SGMS1: variants seen among roughly 807,000 people sequenced by gnomAD.
SGMS1 encodes the protein phosphatidylcholine:ceramide cholinephosphotransferase 1.
A neutral mutation model predicts 46.2 loss-of-function variants in SGMS1; 13 were observed. The ratio of observed to expected loss-of-function variants is 0.28; its 90% confidence interval spans 0.18 to 0.45. The LOEUF is 0.45. Ranked by LOEUF, SGMS1 falls within the 20% of genes least tolerant of loss-of-function variation. The pLI, the probability that SGMS1 is intolerant of heterozygous loss-of-function variation, is 1.00. For missense variants in SGMS1, 324 were observed against 519.9 expected (o/e 0.62, Z 3.66); for synonymous variants, 203 against 187.8 (o/e 1.08, Z -0.66).
At chr10:50,386,872 C>T (rs1445850291) in intron 6 of SGMS1, among the ~76,000 whole-genome samples, 3 of 152,074 alleles carry the variant, frequency 2.0e-5, no homozygotes, top group East Asian at 1.9e-4. Flanking sequence ...TACTATGACC[C>T]GAGCTTTTTA....
chr10:50,386,714 A>T (rs1450443251), intron 6 of SGMS1, among the ~76,000 whole-genome samples: 2 of 152,078 alleles, frequency 1.3e-5, no homozygotes, highest in Admixed American at 1.3e-4. Context: ...TTAAGCAGAG[A>T]ATTGAACAGG....
chr10:50,335,811 A>C (rs542329106), intron 7 of SGMS1: 1 of 152,368 alleles, frequency 6.6e-6, no homozygotes, highest in African/African-American at 2.4e-5. Context: ...CAAAAGTTAT[A>C]TGAACCCAAA....
At chr10:50,310,508 T>C (rs1489787184) in intron 9 of SGMS1, among the ~76,000 whole-genome samples, 1 of 152,132 alleles carries the variant, frequency 6.6e-6, no homozygotes, top group African/African-American at 2.4e-5. Context: ...TAAATGGCAG[T>C]ATGCCATTTA....
chr10:50,337,539 A>C (rs1486528420), intron 7 of SGMS1, among the ~76,000 whole-genome samples: 2 of 152,220 alleles, frequency 1.3e-5, no homozygotes, highest in African/African-American at 4.8e-5. Context: ...AAAATTGTTG[A>C]CAGTGTCTGT....
chr10:50,527,074 A>G (rs912667930), intron 2 of SGMS1, among the ~76,000 whole-genome samples: 22 of 101,968 alleles, frequency 2.2e-4, no homozygotes, highest in African/African-American at 5.5e-4. Flanking sequence ...AAAAAAAAAA[A>G]AAAAAAAAAA....
At position 50,311,123 on chromosome 10, in the gene SGMS1, C is replaced by G. The variant is rs912999316; in HGVS notation, c.895+139G>C. 20 of 959,448 alleles carry G rather than the reference C, an allele frequency of 2.1e-5. No homozygotes were observed. In the East Asian group the frequency reaches 4.6e-4, roughly 22 times the overall value. 59.4% of individuals were successfully genotyped at this position (959,448 alleles called of 1,614,324 possible). ...ATTTCCCTGGGTGCCAGTTGCATGG[C>G]GATGAGATGAAGCTGCAAGCCTCCT... On this transcript the variant is annotated intron_variant, in intron 9 of 10. Coordinates refer to ENST00000361781, the MANE Select transcript of SGMS1 (RefSeq NM_147156.4).
At chr10:50,504,153 T>C (rs1387879356) in intron 3 of SGMS1, among the ~76,000 whole-genome samples, 1 of 152,204 alleles carries the variant, frequency 6.6e-6, no homozygotes, top group Non-Finnish European at 1.5e-5. Flanking sequence ...GAATTCATCA[T>C]GCAGGGTACC....
At chr10:50,591,879 A>G (rs1056577689) in intron 1 of SGMS1, among the ~76,000 whole-genome samples, 2 of 152,258 alleles carry the variant, frequency 1.3e-5, no homozygotes, top group Non-Finnish European at 2.9e-5. Context: ...GCTAATCACC[A>G]GAATTCTGTA....
intron 7 of SGMS1, among the ~76,000 whole-genome samples, chr10:50,329,160 TCA>T (rs1309025565): frequency 1.3e-5 from 2 of 152,080 alleles, no homozygotes; most frequent in Non-Finnish European, 2.9e-5. Flanking sequence ...GTACACATAC[TCA>T]CACACACACC....
chr10:50,470,892 C>T (rs1837372904), intron 3 of SGMS1, among the ~76,000 whole-genome samples: 1 of 152,132 alleles, frequency 6.6e-6, no homozygotes, highest in Non-Finnish European at 1.5e-5. Flanking sequence ...TTCCCTTTTC[C>T]TGTAAAACGC....
intron 6 of SGMS1, among the ~76,000 whole-genome samples, chr10:50,355,401 G>A (rs973255514): frequency 8.5e-5 from 13 of 152,102 alleles, no homozygotes; most frequent in African/African-American, 2.4e-4. Flanking sequence ...CAGCCTGCCC[G>A]GTGCCTGGGA....
chr10:50,481,149 C>T (rs1211259457), intron 3 of SGMS1, among the ~76,000 whole-genome samples: 1 of 152,234 alleles, frequency 6.6e-6, no homozygotes, highest in East Asian at 1.9e-4. Flanking sequence ...AAGGGGATTC[C>T]TCACAGCCCA....
intron 6 of SGMS1, among the ~76,000 whole-genome samples, chr10:50,350,450 T>C (rs1847989251): frequency 6.6e-6 from 1 of 152,256 alleles, no homozygotes; most frequent in Non-Finnish European, 1.5e-5. Flanking sequence ...AGTAAGGAGC[T>C]TAGTGTTAAT....
At chr10:50,492,348 A>C (rs1034337489) in intron 3 of SGMS1, among the ~76,000 whole-genome samples, 9 of 151,968 alleles carry the variant, frequency 5.9e-5, no homozygotes, top group Non-Finnish European at 1.2e-4. Flanking sequence ...AAATAATGCG[A>C]AGAGAGTCAG....
chr10:50,577,258 A>G (rs1023753032), intron 2 of SGMS1, among the ~76,000 whole-genome samples: 1 of 152,180 alleles, frequency 6.6e-6, no homozygotes, highest in Non-Finnish European at 1.5e-5. Flanking sequence ...GGTGATGGTC[A>G]GTTAATTTGT....
intron 6 of SGMS1, among the ~76,000 whole-genome samples, chr10:50,424,089 A>C (rs1268538399): frequency 6.6e-6 from 1 of 152,268 alleles, no homozygotes; most frequent in African/African-American, 2.4e-5. Flanking sequence ...CCAGCTGTAC[A>C]GCCATGTTTG....
At chr10:50,428,888 A>G (rs1353284138) in intron 6 of SGMS1, among the ~76,000 whole-genome samples, 1 of 152,228 alleles carries the variant, frequency 6.6e-6, no homozygotes, top group Non-Finnish European at 1.5e-5. Context: ...TACTACACCT[A>G]ACATACCTAA....
intron 2 of SGMS1, among the ~76,000 whole-genome samples, chr10:50,550,508 C>G (rs540895964): frequency 6.6e-6 from 1 of 152,270 alleles, no homozygotes; most frequent in East Asian, 1.9e-4. Flanking sequence ...AGGCCAACAC[C>G]TCTGGCTCCA....
chr10:50,569,276 A>G (rs1425135968), intron 2 of SGMS1, among the ~76,000 whole-genome samples: 1 of 143,978 alleles, frequency 6.9e-6, no homozygotes, highest in Non-Finnish European at 1.5e-5. Flanking sequence ...CATTCTGCAC[A>G]TGTATCCCAG....
Sources: gnomAD v4.1 joint callset for allele counts (sites outside exome capture counted in the v4.1 genomes callset) on GRCh38, gnomAD v4.1.1 for gene constraint, MANE v1.5 for transcripts, NCBI Gene and HGNC (gene_info 2026-07-23, HGNC 2026-07-21) for gene names.